MACROD2: variants seen among roughly 807,000 people sequenced by gnomAD.
MACROD2 encodes mono-ADP ribosylhydrolase 2.
In MACROD2, 36 loss-of-function variants were observed where a neutral mutation model predicts 70.4. The observed-to-expected ratio is 0.51, with a 90% CI of 0.39 to 0.68. The LOEUF (loss-of-function observed/expected upper bound fraction) is 0.68, where lower values mean the gene tolerates loss of function less well. Ranked by LOEUF, MACROD2 falls within the 30% of genes least tolerant of loss-of-function variation. The pLI, the probability that MACROD2 is intolerant of heterozygous loss-of-function variation, is 0.00. For synonymous variants in MACROD2, 172 were observed against 178.8 expected (o/e 0.96, Z 0.30); for missense variants, 496 against 538.4 (o/e 0.92, Z 0.78).
intron 2 of MACROD2, among the ~76,000 whole-genome samples, chr20:14,042,110 G>A (rs1425816052): frequency 2.6e-5 from 4 of 152,174 alleles, no homozygotes; most frequent in African/African-American, 4.8e-5. Context: ...GAACTTTTTA[G>A]TATTGGGAAG....
intron 9 of MACROD2, among the ~76,000 whole-genome samples, chr20:15,879,394 T>C (rs578193662): frequency 4.7e-4 from 72 of 152,246 alleles, no homozygotes; most frequent in Middle Eastern, 6.8e-3. Context: ...GTTGCACAAA[T>C]ATGACTCAAG....
intron 3 of MACROD2, among the ~76,000 whole-genome samples, chr20:14,207,856 AT>A (rs2081537576): frequency 6.6e-6 from 1 of 152,248 alleles, no homozygotes; most frequent in South Asian, 2.1e-4. Flanking sequence ...ATCAGGAAGC[AT>A]TTTTTGAATG....
intron 3 of MACROD2, among the ~76,000 whole-genome samples, chr20:14,256,947 T>G (rs2082061240): frequency 6.6e-6 from 1 of 152,212 alleles, no homozygotes; most frequent in Non-Finnish European, 1.5e-5. Flanking sequence ...TATTATGTTT[T>G]GTGTTACACA....
At chr20:15,166,638 C>A (rs1009627631) in intron 5 of MACROD2, among the ~76,000 whole-genome samples, 8 of 151,916 alleles carry the variant, frequency 5.3e-5, no homozygotes, top group African/African-American at 1.9e-4. Flanking sequence ...ATACAACAAT[C>A]TATGCATTTT....
At chr20:14,235,701 T>C (rs2122218970) in intron 3 of MACROD2, among the ~76,000 whole-genome samples, 1 of 151,826 alleles carries the variant, frequency 6.6e-6, no homozygotes, top group East Asian at 1.9e-4. Flanking sequence ...TTACACTTTT[T>C]TCACGATTCA....
intron 5 of MACROD2, among the ~76,000 whole-genome samples, chr20:15,040,294 G>A (rs771470463): frequency 6.8e-5 from 10 of 147,340 alleles, no homozygotes; most frequent in South Asian, 2.1e-4. Flanking sequence ...CAGCCTGGGC[G>A]ACAGAGCGAG....
At chr20:14,737,609 G>A (rs1055210314) in intron 5 of MACROD2, among the ~76,000 whole-genome samples, 2 of 152,136 alleles carry the variant, frequency 1.3e-5, no homozygotes, top group African/African-American at 4.8e-5. Context: ...ATCCTCTCCA[G>A]CATCTATTGT....
intron 6 of MACROD2, among the ~76,000 whole-genome samples, chr20:15,236,200 T>C (rs775350646): frequency 1.5e-4 from 23 of 152,234 alleles, no homozygotes; most frequent in Non-Finnish European, 2.6e-4. Flanking sequence ...CTTTCTTCTT[T>C]TCCCCTACAT....
intron 5 of MACROD2, among the ~76,000 whole-genome samples, chr20:14,825,215 A>G (rs976285885): frequency 6.6e-6 from 1 of 152,040 alleles, no homozygotes; most frequent in Non-Finnish European, 1.5e-5. Flanking sequence ...GAACATTCTA[A>G]TTAACCAAGT....
intron 8 of MACROD2, among the ~76,000 whole-genome samples, chr20:15,849,106 A>G (rs1464871101): frequency 6.6e-6 from 1 of 152,236 alleles, no homozygotes; most frequent in East Asian, 1.9e-4. Context: ...GTAACTCACC[A>G]TTTTCCTTCC....
intron 5 of MACROD2, among the ~76,000 whole-genome samples, chr20:15,095,034 T>G (rs2075818434): frequency 6.7e-6 from 1 of 150,252 alleles, no homozygotes; most frequent in African/African-American, 2.4e-5. Flanking sequence ...AGTCAATCAT[T>G]GTTATATCTT....
At chr20:14,550,545 C>T (rs1978585119) in intron 4 of MACROD2, among the ~76,000 whole-genome samples, 1 of 152,138 alleles carries the variant, frequency 6.6e-6, no homozygotes, top group Non-Finnish European at 1.5e-5. Flanking sequence ...TCACCAGACA[C>T]CAAATCTGCC....
chr20:15,148,986 C>T (rs1008031387), intron 5 of MACROD2, among the ~76,000 whole-genome samples: 1 of 151,968 alleles, frequency 6.6e-6, no homozygotes, highest in Non-Finnish European at 1.5e-5. Context: ...TGAGGAATTA[C>T]GTCTGACAGA....
intron 5 of MACROD2, among the ~76,000 whole-genome samples, chr20:14,927,034 A>G (rs1472647864): frequency 6.6e-6 from 1 of 152,170 alleles, no homozygotes; most frequent in Non-Finnish European, 1.5e-5. Context: ...AAAAACTTCC[A>G]GTGTTCAATT....
intron 4 of MACROD2, among the ~76,000 whole-genome samples, chr20:14,660,264 TA>T (rs1318326571): frequency 6.6e-6 from 1 of 152,176 alleles, no homozygotes; most frequent in Non-Finnish European, 1.5e-5. Context: ...CATATTCCAT[TA>T]TAAAGATAAA....
chr20:14,306,015 C>G lies in MACROD2; in HGVS notation c.272-187464C>G, dbSNP rs576528416. Among the ~76,000 whole-genome samples, 7 of 152,136 alleles carry G rather than the reference C, an allele frequency of 4.6e-5. No homozygotes were observed. The East Asian group carries it at 1.4e-3, about 29-fold the overall frequency. ...CTCTTCTGTCTCTCTTGCTTTCTCT[C>G]TCTCCCTGCTAAATCCTCTCATTTG... On this transcript the variant is annotated intron_variant, in intron 3 of 17. Coordinates refer to ENST00000684519, the MANE Select transcript of MACROD2 (RefSeq NM_001351661.2).
chr20:15,024,033 A>G (rs2122975330), intron 5 of MACROD2, among the ~76,000 whole-genome samples: 1 of 152,262 alleles, frequency 6.6e-6, no homozygotes, highest in South Asian at 2.1e-4. Flanking sequence ...CATAGCCTAG[A>G]ATTTTCACAA....
At chr20:14,169,348 A>G (rs1228249376) in intron 3 of MACROD2, among the ~76,000 whole-genome samples, 1 of 152,084 alleles carries the variant, frequency 6.6e-6, no homozygotes, top group Non-Finnish European at 1.5e-5. Flanking sequence ...CTTGTTGCCC[A>G]GGGTGGAGTG....
At chr20:14,040,245 T>C (rs1025390608) in intron 2 of MACROD2, among the ~76,000 whole-genome samples, 7 of 152,184 alleles carry the variant, frequency 4.6e-5, no homozygotes, top group Admixed American at 3.3e-4. Context: ...ATATATAGCA[T>C]AGCCTATTAG....
Sources: gnomAD v4.1 joint callset for allele counts (sites outside exome capture counted in the v4.1 genomes callset) on GRCh38, gnomAD v4.1.1 for gene constraint, MANE v1.5 for transcripts, NCBI Gene and HGNC (gene_info 2026-07-23, HGNC 2026-07-21) for gene names.